The following IHO1 variants were observed in gnomAD, a reference collection of about 807,000 sequenced individuals.
IHO1 encodes interactor of HORMAD1 1.
In IHO1, 13 loss-of-function variants were observed where a neutral mutation model predicts 31.0. The ratio of observed to expected loss-of-function variants is 0.42; its 90% CI spans 0.27 to 0.67. The LOEUF (loss-of-function observed/expected upper bound fraction) is 0.67. IHO1 is among the 30% of genes least tolerant of loss of function. IHO1 has a pLI of 0.24. For synonymous variants in IHO1, 221 were observed against 248.4 expected, an observed-to-expected ratio of 0.89 and a Z score of 1.04; for missense variants, 599 against 687.5, an observed-to-expected ratio of 0.87 and a Z score of 1.44.
intron 2 of IHO1, 93 bp from the exon 3 acceptor site, chr3:49,236,455 C>A: frequency 2.2e-6 from 2 of 908,748 alleles, no homozygotes; most frequent in Non-Finnish European, 3.4e-6. Flanking sequence ...TATCATTCTG[C>A]CCAAAATGTT....
intron 2 of IHO1, among the ~76,000 whole-genome samples, chr3:49,227,845 C>A (rs960299395): frequency 6.6e-6 from 1 of 152,138 alleles, no homozygotes; most frequent in South Asian, 2.1e-4. Context: ...TCCCCATATC[C>A]TAGCTTCAGG....
chr3:49,241,529 A>C, intron 4 of IHO1, 140 bp downstream of exon 4: 1 of 564,724 alleles, frequency 1.8e-6, no homozygotes, highest in Non-Finnish European at 3.1e-6. Context: ...CATAGGACTT[A>C]CACACACATA....
intron 2 of IHO1, among the ~76,000 whole-genome samples, chr3:49,214,238 A>C (rs1286378963): frequency 2.0e-5 from 3 of 152,050 alleles, no homozygotes; most frequent in African/African-American, 4.8e-5. Context: ...TGATGTTCAG[A>C]TATATGTTCA....
At chr3:49,191,659 CT>C in the IHO1 span, 3 of 1,464,170 alleles carry the variant, frequency 2.0e-6, no homozygotes, top group Non-Finnish European at 2.8e-6. Flanking sequence ...AAATGAAAAC[CT>C]TTTCACTTCA....
intron 6 of IHO1, among the ~76,000 whole-genome samples, chr3:49,246,474 G>A (rs890324025): frequency 2.6e-5 from 4 of 151,892 alleles, no homozygotes; most frequent in Admixed American, 2.0e-4. Flanking sequence ...ACGAAAGCCC[G>A]TCTCTACTAA....
At chr3:49,211,604 CAA>C (rs1211401316) in intron 1 of IHO1, among the ~76,000 whole-genome samples, 160 bp from the exon 2 acceptor site, 27 of 146,194 alleles carry the variant, frequency 1.8e-4, no homozygotes, top group Admixed American at 1.5e-3. Flanking sequence ...GACTGGGTGA[CAA>C]GAGCAAAACT....
chr3:49,232,300 C>G (rs1238438143), intron 2 of IHO1, among the ~76,000 whole-genome samples: 1 of 152,158 alleles, frequency 6.6e-6, no homozygotes, highest in Non-Finnish European at 1.5e-5. Context: ...CTACAGGACA[C>G]CCCATATACA....
chr3:49,201,075 G>T (rs1019592841), intron 1 of IHO1, among the ~76,000 whole-genome samples: 13 of 151,608 alleles, frequency 8.6e-5, no homozygotes, highest in African/African-American at 3.1e-4. Context: ...CTCACTGCAA[G>T]CTCCGCCTCC....
intron 2 of IHO1, among the ~76,000 whole-genome samples, chr3:49,234,162 G>GTTTTTTTTGTTTTTT (rs2046519360): frequency 1.1e-5 from 1 of 91,916 alleles, no homozygotes; most frequent in African/African-American, 4.3e-5. Flanking sequence ...TTTTGTTGTT[G>GTTTTTTTTGTTTTTT]TTTTTTTTTT....
chr3:49,248,291 G>T (rs892630272), intron 6 of IHO1, among the ~76,000 whole-genome samples: 1 of 151,524 alleles, frequency 6.6e-6, no homozygotes, highest in African/African-American at 2.4e-5. Flanking sequence ...GCGTGGTGGC[G>T]GGCACCTGTA....
At chr3:49,199,441 A>C (rs7649199), upstream of IHO1, 1 of 151,416 alleles carries the variant, frequency 6.6e-6, no homozygotes, top group Non-Finnish European at 1.5e-5. Flanking sequence ...GCCCTGGGAC[A>C]GGACGGAATC....
At chr3:49,200,234 G>A (rs1416752250) in intron 1 of IHO1, among the ~76,000 whole-genome samples, 2 of 152,086 alleles carry the variant, frequency 1.3e-5, no homozygotes, top group Admixed American at 1.3e-4. Flanking sequence ...GGAGGCTGAG[G>A]CAGGCGGATC....
chr3:49,197,141 C>T (rs1242928477), upstream of IHO1, among the ~76,000 whole-genome samples: 18 of 127,516 alleles, frequency 1.4e-4, no homozygotes, highest in East Asian at 1.0e-3. Flanking sequence ...CCACCACAGC[C>T]GGCTAATTTT....
At chr3:49,245,805 C>T (rs573168735) in intron 6 of IHO1, 1 of 152,202 alleles carries the variant, frequency 6.6e-6, no homozygotes, top group South Asian at 2.1e-4. Context: ...AAAATTAATC[C>T]CCAACTGTCT....
At chr3:49,240,707 A>C (rs2046620401) in intron 3 of IHO1, among the ~76,000 whole-genome samples, 1 of 152,204 alleles carries the variant, frequency 6.6e-6, no homozygotes, top group Admixed American at 6.5e-5. Context: ...TAAGTATTTC[A>C]GTACAAAAAT....
chr3:49,255,062 CAAA>C (rs371843773), intron 6 of IHO1, among the ~76,000 whole-genome samples: 2 of 128,344 alleles, frequency 1.6e-5, no homozygotes. Context: ...GTCTCCGTCT[CAAA>C]AAAAAAAAAA....
intron 6 of IHO1, among the ~76,000 whole-genome samples, chr3:49,253,817 G>T: frequency 6.8e-6 from 1 of 147,944 alleles, no homozygotes; most frequent in Middle Eastern, 3.6e-3. Context: ...TTTCAAGAGG[G>T]CTTTATTTGT....
At chr3:49,191,554 G>C in the IHO1 span, 3 of 704,060 alleles carry the variant, frequency 4.3e-6, no homozygotes, top group African/African-American at 5.2e-5. Context: ...ATGGAAGGGG[G>C]CAAAGTGTTA....
chr3:49,241,396 A>G lies in IHO1; in HGVS notation c.395+7A>G. 6.3e-7 allele frequency: 1 copy of G among 1,589,496 alleles called. No homozygotes were observed. The highest frequency in any genetic ancestry group is 8.5e-7 in the Non-Finnish European group (1 of 1,169,592). On this transcript the variant is annotated splice_region_variant and intron_variant, in intron 4 of 7. Coordinates refer to ENST00000452691, the MANE Select transcript of IHO1 (RefSeq NM_001135197.2). The stretch of plus-strand genomic sequence containing the variant: ...CAAAAGACAAATGTGACAGGTATGT[A>G]AACCTTTCAAATGGATGAAAGAACT...
Sources: gnomAD v4.1 joint callset for allele counts (sites outside exome capture counted in the v4.1 genomes callset) on GRCh38, gnomAD v4.1.1 for gene constraint, MANE v1.5 for transcripts, NCBI Gene and HGNC (gene_info 2026-07-23, HGNC 2026-07-21) for gene names.